ZNF557: variants seen among roughly 807,000 people sequenced by gnomAD.
ZNF557 encodes CTB-25J19.9.
In ZNF557, 19 loss-of-function variants were observed where a neutral mutation model predicts 21.2. The observed-to-expected ratio is 0.90, with a 90% CI of 0.63 to 1.32. The LOEUF is 1.32. Ranked by LOEUF, ZNF557 falls within the 40% of genes most tolerant of loss-of-function variation. The pLI is 0.00. For synonymous variants in ZNF557, 207 were observed against 194.8 expected (o/e 1.06, Z -0.52); for missense variants, 487 against 519.8 (o/e 0.94, Z 0.61).
intron 7 of ZNF557, among the ~76,000 whole-genome samples, 196 bp downstream of exon 7, chr19:7,082,248 A>T (rs8106231): frequency 6.6e-6 from 1 of 151,512 alleles, no homozygotes. Context: ...GTGAAACCCC[A>T]TCTCTACTAA....
rs1406287820 is a variant in ZNF557, at chr19:7,075,715, T to C, written c.92T>C (p.Val31Ala). Residue 31 changes from valine to alanine, a missense_variant, in exon 4 of 8, where the codon GTT (valine) becomes GCT (alanine). Transcript: ENST00000252840. ...GGACACACAGAGGGCGGAGAGCTGG[T>C]TAATGAGCTCCTGAAAAGCTGGCTA... Reference protein sequence around the residue: ...REGHTEGGELVNELLKSWLKG... With the variant: ...REGHTEGGELANELLKSWLKG... 3.7e-6 allele frequency: 6 copies of C among 1,613,494 alleles called. No homozygotes were observed. In the African/African-American group the frequency reaches 8.0e-5, roughly 22 times the overall value.
intron 2 of ZNF557, among the ~76,000 whole-genome samples, chr19:7,074,012 T>C (rs1368160435): frequency 2.7e-5 from 4 of 150,434 alleles, no homozygotes; most frequent in African/African-American, 7.3e-5. Flanking sequence ...CTTTTTTTTT[T>C]TTTTTCCAAA....
chr19:7,086,923 G>C lies in ZNF557; in HGVS notation c.*3179G>C, dbSNP rs1375237253. Reference sequence around the variant, plus strand: ...AGGTGCCTGTAATCCCAGCTACTTGGGAGGCTGAGGCAGGAGAATCGCTTG... The same window carrying C: ...AGGTGCCTGTAATCCCAGCTACTTGCGAGGCTGAGGCAGGAGAATCGCTTG... On this transcript the variant is annotated 3_prime_UTR_variant, in exon 8 of 8. Transcript: ENST00000252840. 2.6e-5 allele frequency: 4 copies of C among 152,024 alleles called. No homozygotes were observed. Among genetic ancestry groups the C allele is most frequent in the Admixed American group, 6.6e-5 (1 of 15,244 alleles). The allele number at this position is 152,024 out of a possible 1,614,324, so 9.4% of individuals were successfully genotyped here.
intron 3 of ZNF557, 134 bp from the exon 4 acceptor site, chr19:7,075,521 T>C (rs551238651): frequency 3.6e-6 from 3 of 828,910 alleles, no homozygotes; most frequent in Non-Finnish European, 5.7e-6. Flanking sequence ...TTGCTTGGAG[T>C]AGAGGTGGAT....
rs1361872628 is a variant in ZNF557, at chr19:7,085,309, A to C, written c.*1565A>C. On this transcript the variant is annotated 3_prime_UTR_variant, in exon 8 of 8. Transcript: ENST00000252840. The stretch of plus-strand genomic sequence containing the variant: ...CACCTCAGCCTCCCAAGTAGCTGGG[A>C]CTGTAGGCATGCACCACCATGCCTG... The C allele has an allele frequency of 6.6e-6, 1 of 152,130 alleles. No homozygotes were observed. The highest frequency in any genetic ancestry group is 2.4e-5 in the African/African-American group (1 of 41,406). The allele number at this position is 152,130 out of a possible 1,614,324, so 9.4% of individuals were successfully genotyped here. A position where few individuals can be genotyped will look rare whatever the true frequency, so the allele number is the denominator to read the frequency against.
intron 5 of ZNF557, among the ~76,000 whole-genome samples, chr19:7,079,479 A>G (rs1977657479): frequency 6.6e-6 from 1 of 151,930 alleles, no homozygotes. Flanking sequence ...TGACCTTGTG[A>G]TCCGCCCACC....
Position 7,083,890 on chromosome 19 carries a change from C to A in ZNF557, c.*146C>A, listed in dbSNP as rs1977778071. 3.1e-6 allele frequency: 3 copies of A among 974,772 alleles called. No homozygotes were observed. The highest frequency in any genetic ancestry group is 3.0e-6 in the Non-Finnish European group (2 of 662,394). The allele number at this position is 974,772 out of a possible 1,614,324, so 60.4% of individuals were successfully genotyped here. On this transcript the variant is annotated 3_prime_UTR_variant, in exon 8 of 8. Coordinates refer to ENST00000252840, the MANE Select transcript of ZNF557 (RefSeq NM_024341.3). Reference sequence around the variant, plus strand: ...GGCTTCAAACAAAAACACTTGTTATCTCAAAATTTTTGTAGGTCAGGAATT... The same window carrying A: ...GGCTTCAAACAAAAACACTTGTTATATCAAAATTTTTGTAGGTCAGGAATT...
chr19:7,073,157 G>GTT (rs552141577), intron 2 of ZNF557, among the ~76,000 whole-genome samples: 104,225 of 135,826 alleles, frequency 0.77, 40,190 homozygotes, highest in Middle Eastern at 0.84. Flanking sequence ...GGTTTTTTTT[G>GTT]TTTTTTTTTT....
At chr19:7,070,796 C>T (rs1245015364) in intron 2 of ZNF557, 143 bp downstream of exon 2, 2 of 147,966 alleles carry the variant, frequency 1.4e-5, no homozygotes, top group Non-Finnish European at 3.0e-5. Context: ...GACAGAGTCT[C>T]ACTCCGTTGC....
intron 5 of ZNF557, among the ~76,000 whole-genome samples, chr19:7,078,028 T>A (rs1249289293): frequency 6.6e-6 from 1 of 152,228 alleles, no homozygotes; most frequent in Non-Finnish European, 1.5e-5. Context: ...TTGTAAGAGT[T>A]CTTTATATGT....
chr19:7,081,577 C>G, intron 6 of ZNF557, 122 bp downstream of exon 6: 1 of 679,738 alleles, frequency 1.5e-6, no homozygotes, highest in South Asian at 1.9e-5. Context: ...CCCCTTTTCC[C>G]AAGAAGGCCA....
intron 2 of ZNF557, among the ~76,000 whole-genome samples, chr19:7,073,151 T>TTG (rs774314497): frequency 0.22 from 15,247 of 69,354 alleles, 975 homozygotes; most frequent in Middle Eastern, 0.28. Context: ...TTTTTTGGTT[T>TTG]TTTTTGTTTT....
chr19:7,076,940 G>A (rs2081996), intron 5 of ZNF557, among the ~76,000 whole-genome samples: 130,563 of 151,674 alleles, frequency 0.86, 56,271 homozygotes, highest in Middle Eastern at 0.89. Context: ...TAGAGACAGG[G>A]TCTTGCTATG....
chr19:7,083,431 GA>G lies in ZNF557; in HGVS notation c.982del (p.Thr328ProfsTer8). On this transcript the variant is annotated frameshift_variant, in exon 8 of 8. Transcript: ENST00000252840. LOFTEE classifies it low-confidence loss of function (END_TRUNC). ...EYPYECHDCG[R>X]TFRRRSNLTQ... ...CCTTACGAATGCCACGATTGTGGGA[GA>G]ACCTTCAGGAGGAGGTCGAATCTGA... 6.2e-7 allele frequency: 1 copy of G among 1,614,152 alleles called. No homozygotes were observed. Among genetic ancestry groups the G allele is most frequent in the African/African-American group, 1.3e-5 (1 of 75,042 alleles).
intron 2 of ZNF557, among the ~76,000 whole-genome samples, chr19:7,073,301 C>T (rs1297402968): frequency 6.6e-6 from 1 of 151,874 alleles, no homozygotes. Context: ...CAGGCACCCA[C>T]CACCATGCCC....
intron 5 of ZNF557, among the ~76,000 whole-genome samples, chr19:7,077,995 T>C (rs930934321): frequency 2.0e-5 from 3 of 152,190 alleles, no homozygotes; most frequent in African/African-American, 7.2e-5. Flanking sequence ...TTGGGGGGCA[T>C]TGTTTGCCTT....
chr19:7,087,909 C>T lies in ZNF557; in HGVS notation c.*4165C>T, dbSNP rs906072363. The T allele has an allele frequency of 3.9e-5, 6 of 152,094 alleles. No homozygotes were observed. Among genetic ancestry groups the T allele is most frequent in the Non-Finnish European group, 2.9e-5 (2 of 68,020 alleles). 9.4% of individuals were successfully genotyped at this position (152,094 alleles called of 1,614,324 possible). A position where few individuals can be genotyped will look rare whatever the true frequency, so the allele number is the denominator to read the frequency against. The stretch of plus-strand genomic sequence containing the variant: ...CAATTTGTACTGTATTTGTTTCTCT[C>T]GACCTGACTTAGTGATAGAGGTATA... On this transcript the variant is annotated 3_prime_UTR_variant, in exon 8 of 8. Coordinates refer to ENST00000252840, the MANE Select transcript of ZNF557 (RefSeq NM_024341.3).
In ZNF557 at chr19:7,076,372, A is replaced by G. The variant is rs776579483; in HGVS notation, c.121-9A>G. On this transcript the variant is annotated splice_polypyrimidine_tract_variant and intron_variant, in intron 4 of 7. Coordinates refer to ENST00000252840, the MANE Select transcript of ZNF557 (RefSeq NM_024341.3). The stretch of plus-strand genomic sequence containing the variant: ...CCTTGGCTAAGCCGTGATGTTTGCA[A>G]TGCTTTAGGGCTTGGTGACCTTTGA... 9.9e-6 allele frequency: 16 copies of G among 1,613,920 alleles called. No homozygotes were observed. The highest frequency in any genetic ancestry group is 4.4e-5 in the South Asian group (4 of 91,084).
rs760066527 is a variant in ZNF557, at chr19:7,087,865, G to C, written c.*4121G>C. ...ATTTTTGGATACAGGATGGACATAC[G>C]TACTCAAACTGTGTTTTTCAATTTG... On this transcript the variant is annotated 3_prime_UTR_variant, in exon 8 of 8. Transcript: ENST00000252840. 6.7e-6 allele frequency: 1 copy of C among 149,742 alleles called. No homozygotes were observed. The highest frequency in any genetic ancestry group is 2.4e-5 in the African/African-American group (1 of 41,298). The allele number at this position is 149,742 out of a possible 1,614,324, so 9.3% of individuals were successfully genotyped here.
Sources: allele counts gnomAD v4.1 joint callset (sites outside exome capture counted in the v4.1 genomes callset), GRCh38; gene constraint gnomAD v4.1.1; transcripts MANE v1.5; gene names NCBI Gene and HGNC (gene_info 2026-07-23, HGNC 2026-07-21).